Variants in SPOCK3 observed in about 807,000 individuals in gnomAD.
SPOCK3 encodes the protein SPARC (osteonectin), cwcv and kazal like domains proteoglycan 3.
A neutral mutation model predicts 56.6 loss-of-function variants in SPOCK3; 30 were observed. The ratio of observed to expected loss-of-function variants is 0.53; its 90% CI spans 0.40 to 0.72. The LOEUF (loss-of-function observed/expected upper bound fraction) is 0.72. Ranked by LOEUF, SPOCK3 falls within the 30% of genes least tolerant of loss-of-function variation. The probability of loss-of-function intolerance (pLI) is 0.00; values close to 1 mark genes in which losing one functional copy is unlikely to be tolerated. For synonymous variants in SPOCK3, 196 were observed against 183.3 expected, an observed-to-expected ratio of 1.07 and a Z score of -0.56; for missense variants, 527 against 530.0, an observed-to-expected ratio of 0.99 and a Z score of 0.06.
chr4:167,156,958 A>T (rs912769699), intron 2 of SPOCK3, among the ~76,000 whole-genome samples: 1 of 152,142 alleles, frequency 6.6e-6, no homozygotes, highest in African/African-American at 2.4e-5. Flanking sequence ...AAATATCATG[A>T]TACTGAAACC....
chr4:166,846,633 C>T (rs1748089715), intron 6 of SPOCK3, among the ~76,000 whole-genome samples: 1 of 151,974 alleles, frequency 6.6e-6, no homozygotes, highest in Non-Finnish European at 1.5e-5. Context: ...GACATTAGCT[C>T]ACTTTAATTC....
At chr4:167,092,009 C>A (rs116439160) in intron 2 of SPOCK3, among the ~76,000 whole-genome samples, 6 of 152,020 alleles carry the variant, frequency 3.9e-5, no homozygotes, top group Non-Finnish European at 8.8e-5. Context: ...GGCAAGATGG[C>A]GGAATAGGAA....
chr4:166,912,490 G>A (rs1737391284), intron 5 of SPOCK3, 130 bp downstream of exon 5: 2 of 950,842 alleles, frequency 2.1e-6, no homozygotes, highest in Admixed American at 2.8e-5. Flanking sequence ...CCAAACCAGT[G>A]AGATTATTAA....
chr4:167,144,723 G>GGA (rs1763798108), intron 2 of SPOCK3, among the ~76,000 whole-genome samples: 1 of 141,928 alleles, frequency 7.0e-6, no homozygotes, highest in African/African-American at 2.6e-5. Context: ...AGATATCTAG[G>GGA]AAAAAAAAAA....
intron 2 of SPOCK3, among the ~76,000 whole-genome samples, chr4:167,221,501 A>C (rs1735917675): frequency 6.6e-6 from 1 of 152,222 alleles, no homozygotes; most frequent in East Asian, 1.9e-4. Context: ...TTCAAACTTC[A>C]CTGATTTTGA....
intron 6 of SPOCK3, among the ~76,000 whole-genome samples, chr4:166,795,627 A>G (rs936280644): frequency 2.0e-5 from 3 of 151,922 alleles, no homozygotes; most frequent in Non-Finnish European, 4.4e-5. Context: ...ACTTTCTGAA[A>G]TTAATTAAAT....
At chr4:167,214,293 C>T (rs1000927840) in intron 2 of SPOCK3, among the ~76,000 whole-genome samples, 8 of 151,964 alleles carry the variant, frequency 5.3e-5, no homozygotes, top group Non-Finnish European at 8.8e-5. Flanking sequence ...AAATATTTGT[C>T]GTTATCTTTT....
At chr4:166,916,562 C>G in intron 4 of SPOCK3, among the ~76,000 whole-genome samples, 1 of 152,156 alleles carries the variant, frequency 6.6e-6, no homozygotes, top group Middle Eastern at 3.4e-3. Context: ...TTCATTTTAA[C>G]AAAATAATTT....
intron 2 of SPOCK3, among the ~76,000 whole-genome samples, chr4:167,075,759 A>C (rs1050368485): frequency 6.6e-6 from 1 of 151,922 alleles, no homozygotes; most frequent in Admixed American, 6.6e-5. Context: ...TTCCCACCTC[A>C]GCCTTGAAAG....
At chr4:167,116,585 T>TGTATCTATATACGTATATACTATATAC in intron 2 of SPOCK3, among the ~76,000 whole-genome samples, 1 of 113,588 alleles carries the variant, frequency 8.8e-6, no homozygotes, top group African/African-American at 3.6e-5. Context: ...TATATAGTTT[T>TGTATCTATATACGTATATACTATATAC]GTATATATAT....
intron 2 of SPOCK3, among the ~76,000 whole-genome samples, chr4:167,070,896 A>AT (rs1424637660): frequency 6.6e-6 from 1 of 152,026 alleles, no homozygotes; most frequent in Admixed American, 6.6e-5. Flanking sequence ...CAAGTGTCAC[A>AT]TTTATTACCC....
chr4:167,013,959 T>C (rs889386538), intron 3 of SPOCK3, among the ~76,000 whole-genome samples: 1 of 152,168 alleles, frequency 6.6e-6, no homozygotes, highest in Non-Finnish European at 1.5e-5. Context: ...AGAATTCACA[T>C]TGAGTTGAAA....
intron 2 of SPOCK3, among the ~76,000 whole-genome samples, chr4:167,233,308 T>C (rs566773654): frequency 2.6e-5 from 4 of 152,326 alleles, no homozygotes; most frequent in East Asian, 1.9e-4. Context: ...TTAACTCTTT[T>C]ATCGCTGTCA....
intron 6 of SPOCK3, among the ~76,000 whole-genome samples, chr4:166,837,902 TG>T (rs1746803135): frequency 6.6e-6 from 1 of 152,202 alleles, no homozygotes; most frequent in Admixed American, 6.5e-5. Context: ...GAAAATGTTT[TG>T]ATGTTCCCTT....
In SPOCK3 at chr4:166,938,506, C is replaced by G. The variant is rs1561030986; in HGVS notation, c.351-25763G>C. ...TTAGTAGGTAATTGCAAACTTATAA[C>G]AAACTCAGAAAAGCACATAAGTACA... is the stretch of plus-strand genomic sequence containing the variant. On this transcript the variant is annotated intron_variant, in intron 4 of 10. Coordinates refer to ENST00000357545, the MANE Select transcript of SPOCK3 (RefSeq NM_001040159.2). Among the ~76,000 whole-genome samples the G allele has an allele frequency of 1.3e-5, 2 of 151,962 alleles. 1 individual carries two copies. The highest frequency in any genetic ancestry group is 6.3e-3 in the Middle Eastern group (2 of 316).
intron 2 of SPOCK3, among the ~76,000 whole-genome samples, chr4:167,160,003 C>A (rs1765150259): frequency 6.6e-6 from 1 of 152,120 alleles, no homozygotes; most frequent in Non-Finnish European, 1.5e-5. Flanking sequence ...CCCTCTCTCA[C>A]CACTCCTATT....
intron 2 of SPOCK3, among the ~76,000 whole-genome samples, chr4:167,108,381 A>G (rs76698967): frequency 6.6e-6 from 1 of 151,966 alleles, no homozygotes; most frequent in Admixed American, 6.6e-5. Flanking sequence ...ACTATTCACA[A>G]TCGCCAACAT....
intron 2 of SPOCK3, among the ~76,000 whole-genome samples, chr4:167,130,256 G>A (rs954215392): frequency 9.9e-5 from 15 of 151,974 alleles, no homozygotes; most frequent in African/African-American, 3.4e-4. Context: ...TTGAGCCACT[G>A]TACCCAGGCA....
intron 4 of SPOCK3, among the ~76,000 whole-genome samples, chr4:166,955,954 G>T (rs1437174721): frequency 6.6e-6 from 1 of 151,576 alleles, no homozygotes; most frequent in Non-Finnish European, 1.5e-5. Context: ...GTCCTCTATA[G>T]ACCCCATACT....
Sources: gnomAD v4.1 joint callset for allele counts (sites outside exome capture counted in the v4.1 genomes callset) on GRCh38, gnomAD v4.1.1 for gene constraint, MANE v1.5 for transcripts, NCBI Gene and HGNC (gene_info 2026-07-23, HGNC 2026-07-21) for gene names.